Variants in STAT2 observed in about 807,000 individuals in gnomAD.
STAT2 encodes signal transducer and activator of transcription 2.
In STAT2, 51 loss-of-function variants were observed where a neutral mutation model predicts 122.3. That is an observed-to-expected ratio of 0.42 (90% CI 0.33 to 0.53). The LOEUF (loss-of-function observed/expected upper bound fraction) is 0.53, where lower values mean the gene tolerates loss of function less well. STAT2 is among the 20% of genes least tolerant of loss of function. STAT2 has a pLI of 0.10. For synonymous variants in STAT2, 351 were observed against 394.9 expected (o/e 0.89, Z 1.32); for missense variants, 736 against 1,010.3 (o/e 0.73, Z 3.68).
At position 56,341,812 on chromosome 12, in the gene STAT2, A is replaced by G. The variant is rs1876629193; in HGVS notation, c.*1577T>C. 6.6e-6 allele frequency: 1 copy of G among 152,228 alleles called. No homozygotes were observed. 9.4% of individuals were successfully genotyped at this position (152,228 alleles called of 1,614,324 possible). On this transcript the variant is annotated 3_prime_UTR_variant, in exon 24 of 24. Coordinates refer to ENST00000314128, the MANE Select transcript of STAT2 (RefSeq NM_005419.4). ...AAGGTGTGAGATTGTCCAGAGTCCT[A>G]TGACAGACCTTCAAGGTTTTAAGTT...
rs775130617 is a variant in STAT2 at position 56,354,467 on chromosome 12, A to C, written c.781T>G (p.Trp261Gly). ...GAGGGTTGGGGTGGTACCTCTCACC[A>C]TGTCTCCAGCTGTTCCAACCCGTGG... The part of the protein sequence containing the change: ...IDHGLEQLET[W>G]FTAGAKLLFH... The change falls in exon 8 of 24, where the codon TGG (tryptophan) becomes GGG (glycine). Residue 261 changes from tryptophan (W) to glycine (G), a missense_variant and splice_region_variant. Physicochemically the swap from Trp to Gly is radical, Grantham distance 184 (BLOSUM62 -2). Coordinates refer to ENST00000314128, the MANE Select transcript of STAT2 (RefSeq NM_005419.4). 10 of 1,614,008 alleles carry C rather than the reference A, an allele frequency of 6.2e-6. No individual in the cohort carries two copies. In the Admixed American group the frequency reaches 8.3e-5, roughly 13 times the overall value.
intron 21 of STAT2, 94 bp from the exon 22 acceptor site, chr12:56,346,297 C>G: frequency 1.3e-6 from 2 of 1,562,660 alleles, no homozygotes; most frequent in Non-Finnish European, 1.8e-6. Context: ...CAGTCTCATC[C>G]CCATAGTAAC....
chr12:56,351,975 C>G (rs141322242), intron 8 of STAT2, among the ~76,000 whole-genome samples: 259 of 152,232 alleles, frequency 1.7e-3, no homozygotes, highest in African/African-American at 6.1e-3. Context: ...TCACTGCAAC[C>G]TCCACCTCCT....
intron 8 of STAT2, among the ~76,000 whole-genome samples, chr12:56,354,103 T>A (rs1879128535): frequency 7.2e-6 from 1 of 138,340 alleles, no homozygotes; most frequent in Admixed American, 7.5e-5. Context: ...ACAATATGAT[T>A]CCATTTTTGT....
At chr12:56,344,269 T>C in intron 22 of STAT2, 134 bp from the exon 23 acceptor site, 1 of 1,310,084 alleles carries the variant, frequency 7.6e-7, no homozygotes, top group Non-Finnish European at 1.0e-6. Flanking sequence ...GAATCAGGCC[T>C]CCTGGAGTTT....
chr12:56,354,016 A>AAAATATATAT (rs71081350), intron 8 of STAT2, among the ~76,000 whole-genome samples: 5 of 16,698 alleles, frequency 3.0e-4, no homozygotes, highest in African/African-American at 4.3e-4. Flanking sequence ...AAAAAAAAAA[A>AAAATATATAT]ATATATATAT....
At chr12:56,356,760 G>C (rs1879567284) in intron 1 of STAT2, among the ~76,000 whole-genome samples, 182 bp from the exon 2 acceptor site, 1 of 152,116 alleles carries the variant, frequency 6.6e-6, no homozygotes, top group Non-Finnish European at 1.5e-5. Context: ...CTCCTCTCCA[G>C]AAGTAACCAC....
chr12:56,355,653 C>T, intron 4 of STAT2, 55 bp downstream of exon 4: 1 of 1,599,292 alleles, frequency 6.3e-7, no homozygotes, highest in South Asian at 1.1e-5. Flanking sequence ...TGAGTCCTTT[C>T]CATGGTTCCT....
intron 22 of STAT2, 68 bp from the exon 23 acceptor site, chr12:56,344,203 A>G: frequency 6.7e-7 from 1 of 1,496,970 alleles, no homozygotes; most frequent in South Asian, 1.3e-5. Context: ...ATGGTAGAAT[A>G]AGCAGAAGCT....
Position 56,343,260 on chromosome 12 carries a change from G to T in STAT2, c.*129C>A. On this transcript the variant is annotated 3_prime_UTR_variant, in exon 24 of 24. Coordinates refer to ENST00000314128, the MANE Select transcript of STAT2 (RefSeq NM_005419.4). ...CCTCTCACCCCAATGGAGTCACACA[G>T]GCCTGAGTTTGAACAGTTAACACAG... The T allele has an allele frequency of 7.5e-7, 1 of 1,327,630 alleles. No homozygotes were observed. Among genetic ancestry groups the T allele is most frequent in the Non-Finnish European group, 1.0e-6 (1 of 972,060 alleles). The allele number at this position is 1,327,630 out of a possible 1,614,324, so 82.2% of individuals were successfully genotyped here.
At chr12:56,359,850 G>T (rs1005347287) in intron 1 of STAT2, among the ~76,000 whole-genome samples, 9 of 152,182 alleles carry the variant, frequency 5.9e-5, no homozygotes, top group Non-Finnish European at 4.4e-5. Context: ...GAAGCTGCAG[G>T]GCAGTTTTGG....
intron 8 of STAT2, among the ~76,000 whole-genome samples, chr12:56,351,715 C>T (rs1748884864): frequency 6.6e-6 from 1 of 152,146 alleles, no homozygotes; most frequent in Admixed American, 6.6e-5. Context: ...TAAGCCCTTT[C>T]CACATATTAA....
intron 10 of STAT2, 54 bp downstream of exon 10, chr12:56,351,044 T>G: frequency 6.3e-7 from 1 of 1,596,952 alleles, no homozygotes; most frequent in East Asian, 2.2e-5. Flanking sequence ...AGCCAGAAAA[T>G]ACACAGTGGC....
intron 8 of STAT2, among the ~76,000 whole-genome samples, chr12:56,352,911 C>T (rs1878765269): frequency 6.6e-6 from 1 of 152,070 alleles, no homozygotes; most frequent in Non-Finnish European, 1.5e-5. Context: ...CCTCCAACAC[C>T]TGGGCTCAAG....
intron 22 of STAT2, among the ~76,000 whole-genome samples, chr12:56,345,524 A>AAAATATATATATATATATATATAT (rs1555169410): frequency 2.7e-4 from 7 of 26,230 alleles, no homozygotes; most frequent in Non-Finnish European, 3.8e-4. Flanking sequence ...AAAAAAAAAA[A>AAAATATATATATATATATATATAT]ATATATATAT....
chr12:56,347,560 T>C (rs574903307), intron 19 of STAT2, among the ~76,000 whole-genome samples: 3 of 152,036 alleles, frequency 2.0e-5, no homozygotes, highest in Non-Finnish European at 4.4e-5. Flanking sequence ...TGGAGTGCAA[T>C]GGCACGATCT....
rs535939207 is a variant in STAT2, at chr12:56,342,296, CAAA to C, written c.*1090_*1092del. 7 of 72,564 alleles carry C rather than the reference CAAA, an allele frequency of 9.6e-5. No homozygotes were observed. Among genetic ancestry groups the C allele is most frequent in the Non-Finnish European group, 1.5e-4 (5 of 33,640 alleles). 4.5% of individuals were successfully genotyped at this position (72,564 alleles called of 1,614,324 possible). A position where few individuals can be genotyped will look rare whatever the true frequency, so the allele number is the denominator to read the frequency against. ...GGACAACAAGAGAGAAACTCCATCT[CAAA>C]AAAAAAAAAAAAAAAATCCTGGCCA... is the stretch of plus-strand genomic sequence containing the variant. On this transcript the variant is annotated 3_prime_UTR_variant, in exon 24 of 24. Transcript: ENST00000314128.
intron 19 of STAT2, 125 bp from the exon 20 acceptor site, chr12:56,347,080 G>T: frequency 7.1e-7 from 1 of 1,400,934 alleles, no homozygotes; most frequent in Non-Finnish European, 9.5e-7. Context: ...ACCAAGCCCT[G>T]CCACTTAGCT....
chr12:56,354,601 G>A lies in STAT2; in HGVS notation c.647C>T (p.Ala216Val), dbSNP rs1879218586. The change falls in exon 8 of 24, where the codon GCC becomes GTC. Residue 216 changes from alanine (A) to valine (V), a missense_variant. Physicochemically the swap from Ala to Val is moderately conservative, Grantham distance 64. Coordinates refer to ENST00000314128, the MANE Select transcript of STAT2 (RefSeq NM_005419.4). ...TAATCGGCCTAGCAGTGCTTTGGAG[G>A]CATCCAGCACCTCCTGGGAAAGAGA... is the stretch of plus-strand genomic sequence containing the variant. Reference protein sequence around the residue: ...LDKRRKEVLDASKALLGRLTT... With the variant: ...LDKRRKEVLDVSKALLGRLTT... 6.2e-7 allele frequency: 1 copy of A among 1,614,140 alleles called. No individual in the cohort carries two copies. Among genetic ancestry groups the A allele is most frequent in the Non-Finnish European group, 8.5e-7 (1 of 1,180,014 alleles).
Sources: allele counts gnomAD v4.1 joint callset (sites outside exome capture counted in the v4.1 genomes callset), GRCh38; gene constraint gnomAD v4.1.1; transcripts MANE v1.5; gene names NCBI Gene and HGNC (gene_info 2026-07-23, HGNC 2026-07-21).